GALNTL6: variants seen among roughly 807,000 people sequenced by gnomAD.
GALNTL6 encodes the protein polypeptide N-acetylgalactosaminyltransferase like 6.
Under a neutral mutation model 73.7 loss-of-function variants are expected in GALNTL6, and 46 were observed. That is an observed-to-expected ratio of 0.62 (90% confidence interval 0.49 to 0.80). The LOEUF (loss-of-function observed/expected upper bound fraction) is 0.80. Ranked by LOEUF, GALNTL6 falls within the 30% of genes least tolerant of loss-of-function variation. GALNTL6 has a pLI of 0.00. For synonymous variants in GALNTL6, 259 were observed against 263.7 expected (o/e 0.98, Z 0.17); for missense variants, 604 against 755.0 (o/e 0.80, Z 2.34).
intron 3 of GALNTL6, among the ~76,000 whole-genome samples, chr4:172,296,512 C>T (rs1428070420): frequency 1.3e-5 from 2 of 152,082 alleles, no homozygotes; most frequent in Non-Finnish European, 2.9e-5. Context: ...TCCCTCCCCA[C>T]TTCCCCCACC....
In GALNTL6 at chr4:172,707,900, C is replaced by G. The variant is rs1734453797; in HGVS notation, c.554-101461C>G. Among the ~76,000 whole-genome samples, 3 of 152,038 alleles carry G rather than the reference C, an allele frequency of 2.0e-5. No homozygotes were observed. The South Asian group carries it at 6.2e-4, about 32-fold the overall frequency. ...ACTAAACTGAGCAGAATTCTTGTTA[C>G]AGTTGGGCTATGTAGGTCCAGCAGG... On this transcript the variant is annotated intron_variant, in intron 5 of 12. Coordinates refer to ENST00000506823, the MANE Select transcript of GALNTL6 (RefSeq NM_001034845.3).
intron 4 of GALNTL6, among the ~76,000 whole-genome samples, chr4:172,334,390 T>C (rs1293892949): frequency 1.3e-5 from 2 of 152,254 alleles, no homozygotes; most frequent in African/African-American, 4.8e-5. Context: ...AAGTATAGTA[T>C]ATTTTTCCAT....
At chr4:172,079,073 C>T (rs1731797521) in intron 2 of GALNTL6, among the ~76,000 whole-genome samples, 1 of 152,038 alleles carries the variant, frequency 6.6e-6, no homozygotes, top group African/African-American at 2.4e-5. Flanking sequence ...AAATATGTAT[C>T]TATATTTATG....
At chr4:172,427,402 T>A (rs1731272485) in intron 5 of GALNTL6, among the ~76,000 whole-genome samples, 1 of 152,048 alleles carries the variant, frequency 6.6e-6, no homozygotes, top group African/African-American at 2.4e-5. Context: ...GGGAAAGACC[T>A]GCCCAGATGA....
At chr4:172,732,092 T>C (rs1736182761) in intron 5 of GALNTL6, among the ~76,000 whole-genome samples, 1 of 152,118 alleles carries the variant, frequency 6.6e-6, no homozygotes. Flanking sequence ...TGTTTCCTTG[T>C]TGATTTTGTG....
intron 7 of GALNTL6, among the ~76,000 whole-genome samples, chr4:172,841,108 A>G (rs570236162): frequency 6.6e-6 from 1 of 152,304 alleles, no homozygotes; most frequent in South Asian, 2.1e-4. Flanking sequence ...AGGGAAACTC[A>G]ACTGGCAACA....
chr4:173,003,424 G>A (rs765633119), intron 10 of GALNTL6, among the ~76,000 whole-genome samples: 10 of 152,160 alleles, frequency 6.6e-5, no homozygotes, highest in South Asian at 2.1e-4. Context: ...ATTCTCCTTC[G>A]ACTTAAGTGC....
intron 2 of GALNTL6, among the ~76,000 whole-genome samples, chr4:171,970,516 A>G (rs2111063413): frequency 6.6e-6 from 1 of 152,362 alleles, no homozygotes; most frequent in East Asian, 1.9e-4. Flanking sequence ...TAAATTTCAT[A>G]TCAGTTTTCA....
In GALNTL6 at chr4:172,184,703, TG is replaced by T. The variant is rs1268494922; in HGVS notation, c.139-44952del. ...TCAACATTGGTGTCTTAGCCCATTT[TG>T]TGCTGCTATAACAGAGTGCTGTAGA... On this transcript the variant is annotated intron_variant, in intron 2 of 12. Transcript: ENST00000506823. 3.3e-5 allele frequency among the ~76,000 whole-genome samples: 5 copies of T among 152,342 alleles called. No homozygotes were observed. In the East Asian group the frequency reaches 7.7e-4, roughly 24 times the overall value.
intron 5 of GALNTL6, among the ~76,000 whole-genome samples, chr4:172,384,933 T>C (rs922547118): frequency 2.6e-5 from 4 of 151,812 alleles, no homozygotes; most frequent in Non-Finnish European, 5.9e-5. Flanking sequence ...GTTGGGTTTT[T>C]ACTTTCATTC....
intron 2 of GALNTL6, 62 bp downstream of exon 2, chr4:171,814,780 A>G: frequency 6.4e-7 from 1 of 1,558,824 alleles, no homozygotes; most frequent in Non-Finnish European, 8.8e-7. Flanking sequence ...TCGCGCGGGG[A>G]CTCGAGAAAG....
At chr4:172,417,710 C>T (rs760193010) in intron 5 of GALNTL6, among the ~76,000 whole-genome samples, 5 of 152,192 alleles carry the variant, frequency 3.3e-5, no homozygotes, top group Non-Finnish European at 5.9e-5. Flanking sequence ...GTTTTTCTGT[C>T]ACTAGATAGT....
chr4:172,081,694 A>G (rs866527412), intron 2 of GALNTL6, among the ~76,000 whole-genome samples: 3 of 152,120 alleles, frequency 2.0e-5, no homozygotes, highest in Non-Finnish European at 2.9e-5. Flanking sequence ...GTGTTGCTAA[A>G]ATGCTTGGAG....
intron 2 of GALNTL6, among the ~76,000 whole-genome samples, chr4:171,828,727 A>T (rs1734889181): frequency 1.3e-5 from 2 of 152,074 alleles, no homozygotes; most frequent in Admixed American, 1.3e-4. Flanking sequence ...AGTTCAAACG[A>T]TTCTCCGGCC....
intron 5 of GALNTL6, among the ~76,000 whole-genome samples, chr4:172,364,479 G>T (rs190465242): frequency 6.6e-6 from 1 of 152,100 alleles, no homozygotes; most frequent in Non-Finnish European, 1.5e-5. Flanking sequence ...CCCATGTCAG[G>T]GGAGTCTTAT....
chr4:171,903,033 G>C (rs566252794), intron 2 of GALNTL6, among the ~76,000 whole-genome samples: 3 of 152,202 alleles, frequency 2.0e-5, no homozygotes, highest in Admixed American at 2.0e-4. Context: ...GACGAAGAAG[G>C]AGTCTAAAAA....
In GALNTL6 at chr4:172,262,101, A is replaced by G. The variant is rs191040632; in HGVS notation, c.247+32337A>G. 2.4e-3 allele frequency among the ~76,000 whole-genome samples: 359 copies of G among 151,544 alleles called. 1 individual carries two copies. Among genetic ancestry groups the G allele is most frequent in the Non-Finnish European group, 3.9e-3 (260 of 67,524 alleles). On this transcript the variant is annotated intron_variant, in intron 3 of 12. Transcript: ENST00000506823. ...TTCCATGTGCTTAAAAAGAAAATGT[A>G]TATCTTGCAGTTGTTGGATAGAATG...
intron 5 of GALNTL6, among the ~76,000 whole-genome samples, chr4:172,549,746 T>C (rs1034665134): frequency 1.3e-5 from 2 of 152,176 alleles, no homozygotes; most frequent in African/African-American, 2.4e-5. Flanking sequence ...ACAAAAGTAT[T>C]GTAATTGGGC....
intron 3 of GALNTL6, among the ~76,000 whole-genome samples, chr4:172,281,920 T>C (rs1170543058): frequency 1.4e-5 from 2 of 146,814 alleles, no homozygotes; most frequent in Admixed American, 6.8e-5. Context: ...CTTGTGTTGC[T>C]TTTTTTTTTA....
Sources: allele counts gnomAD v4.1 joint callset (sites outside exome capture counted in the v4.1 genomes callset), GRCh38; gene constraint gnomAD v4.1.1; transcripts MANE v1.5; gene names NCBI Gene and HGNC (gene_info 2026-07-23, HGNC 2026-07-21).